Variants in KCNH8 observed in about 807,000 individuals in gnomAD.
The protein encoded by KCNH8 is voltage-gated delayed rectifier potassium channel KCNH8.
A neutral mutation model predicts 103.6 loss-of-function variants in KCNH8; 70 were observed. The observed-to-expected ratio is 0.68, with a 90% confidence interval of 0.56 to 0.82. The LOEUF (loss-of-function observed/expected upper bound fraction) is 0.82. KCNH8 is among the 40% of genes least tolerant of loss of function. The probability of loss-of-function intolerance (pLI) is 0.00; values close to 1 mark genes in which losing one functional copy is unlikely to be tolerated. For missense variants in KCNH8, 1,217 were observed against 1,329.9 expected (o/e 0.92, Z 1.32); for synonymous variants, 498 against 489.4 (o/e 1.02, Z -0.23).
At chr3:19,151,822 A>T (rs2063133200) in intron 1 of KCNH8, among the ~76,000 whole-genome samples, 1 of 151,908 alleles carries the variant, frequency 6.6e-6, no homozygotes, top group Admixed American at 6.6e-5. Flanking sequence ...TTTTTTTCTG[A>T]TATGCAATAT....
chr3:19,351,347 A>C (rs1322361514), intron 5 of KCNH8, among the ~76,000 whole-genome samples: 5 of 152,176 alleles, frequency 3.3e-5, no homozygotes, highest in African/African-American at 1.2e-4. Context: ...CCAACCTAGC[A>C]AGGCAGGCCA....
chr3:19,250,919 TAGAA>T (rs1189938823), intron 1 of KCNH8, among the ~76,000 whole-genome samples: 10 of 152,204 alleles, frequency 6.6e-5, no homozygotes, highest in Non-Finnish European at 1.3e-4. Context: ...TATCATATAA[TAGAA>T]AGTTAATAAA....
At chr3:19,382,405 T>C (rs1202836189) in intron 5 of KCNH8, among the ~76,000 whole-genome samples, 1 of 152,174 alleles carries the variant, frequency 6.6e-6, no homozygotes, top group African/African-American at 2.4e-5. Context: ...GACGTATTAC[T>C]TACTTTAAAG....
intron 7 of KCNH8, among the ~76,000 whole-genome samples, chr3:19,406,203 T>C (rs182946858): frequency 3.0e-3 from 459 of 152,210 alleles, no homozygotes; most frequent in African/African-American, 0.01. Context: ...TTATATTCTT[T>C]CAGGTTTTAT....
chr3:19,519,652 A>G (rs981697038), intron 15 of KCNH8, among the ~76,000 whole-genome samples: 3 of 151,688 alleles, frequency 2.0e-5, no homozygotes, highest in Admixed American at 6.6e-5. Flanking sequence ...CCTCTTGTTA[A>G]AACAAAAAAA....
At chr3:19,372,932 G>C (rs1273969754) in intron 5 of KCNH8, among the ~76,000 whole-genome samples, 2 of 151,680 alleles carry the variant, frequency 1.3e-5, no homozygotes, top group Non-Finnish European at 2.9e-5. Context: ...TGCGTATATT[G>C]AACCAGCCTT....
intron 1 of KCNH8, among the ~76,000 whole-genome samples, chr3:19,230,315 A>G (rs2063979741): frequency 6.6e-6 from 1 of 152,200 alleles, no homozygotes; most frequent in Non-Finnish European, 1.5e-5. Context: ...ATCTTATTCC[A>G]AGTTTGTATA....
At chr3:19,453,358 TAAA>T (rs1232683859) in intron 10 of KCNH8, among the ~76,000 whole-genome samples, 3 of 152,150 alleles carry the variant, frequency 2.0e-5, no homozygotes, top group Non-Finnish European at 4.4e-5. Context: ...ATGCAAATTT[TAAA>T]AAACCATTAT....
chr3:19,433,250 C>G (rs2067149448), intron 7 of KCNH8, among the ~76,000 whole-genome samples: 1 of 152,052 alleles, frequency 6.6e-6, no homozygotes, highest in South Asian at 2.1e-4. Flanking sequence ...ATATTGCTTG[C>G]CCTGGAAGGT....
intron 11 of KCNH8, among the ~76,000 whole-genome samples, chr3:19,498,682 T>C (rs916291583): frequency 6.6e-6 from 1 of 152,240 alleles, no homozygotes; most frequent in Non-Finnish European, 1.5e-5. Context: ...CCAGTTTTTC[T>C]GCTCTGTTTT....
intron 4 of KCNH8, 146 bp from the exon 5 acceptor site, chr3:19,347,579 T>G (rs1364930955): frequency 1.2e-6 from 1 of 854,620 alleles, no homozygotes; most frequent in African/African-American, 1.7e-5. Context: ...TTAGATGCTT[T>G]GCGTCACCAA....
At chr3:19,465,441 T>C (rs540255726) in intron 11 of KCNH8, among the ~76,000 whole-genome samples, 109 of 152,264 alleles carry the variant, frequency 7.2e-4, no homozygotes, top group Non-Finnish European at 1.3e-3. Flanking sequence ...TTACTGCTCA[T>C]TCATTGACAG....
At chr3:19,314,052 C>A (rs1316532762) in intron 3 of KCNH8, among the ~76,000 whole-genome samples, 1 of 151,832 alleles carries the variant, frequency 6.6e-6, no homozygotes, top group Middle Eastern at 3.2e-3. Context: ...AACCTAGAAT[C>A]AATTATGTGA....
chr3:19,243,722 C>A (rs571272606), intron 1 of KCNH8, among the ~76,000 whole-genome samples: 1 of 152,104 alleles, frequency 6.6e-6, no homozygotes, highest in African/African-American at 2.4e-5. Flanking sequence ...GGTAATAAAA[C>A]GACTAAAACA....
chr3:19,507,898 C>T (rs544452951), intron 11 of KCNH8, among the ~76,000 whole-genome samples: 2 of 152,258 alleles, frequency 1.3e-5, no homozygotes, highest in South Asian at 4.1e-4. Context: ...CTGCTACCTT[C>T]CCAAAAGATG....
At chr3:19,320,110 A>G (rs1220698044) in intron 3 of KCNH8, among the ~76,000 whole-genome samples, 1 of 152,060 alleles carries the variant, frequency 6.6e-6, no homozygotes, top group Non-Finnish European at 1.5e-5. Context: ...GTAAACAGCA[A>G]CAGCTTGACT....
At chr3:19,475,220 G>A (rs1489462238) in intron 11 of KCNH8, among the ~76,000 whole-genome samples, 1 of 152,126 alleles carries the variant, frequency 6.6e-6, no homozygotes, top group Non-Finnish European at 1.5e-5. Flanking sequence ...TAGTCTTAAG[G>A]GAGAGAAAAG....
intron 7 of KCNH8, among the ~76,000 whole-genome samples, chr3:19,408,674 CA>C (rs2066731151): frequency 6.6e-6 from 1 of 152,064 alleles, no homozygotes; most frequent in African/African-American, 2.4e-5. Flanking sequence ...GAAAATCAGT[CA>C]GAACTTCTGG....
At chr3:19,528,448 T>C (rs896304607) in intron 15 of KCNH8, among the ~76,000 whole-genome samples, 3 of 152,046 alleles carry the variant, frequency 2.0e-5, no homozygotes, top group African/African-American at 4.8e-5. Flanking sequence ...AGCAGAAACC[T>C]TGGCCAACGG....
Sources: allele counts gnomAD v4.1 joint callset (sites outside exome capture counted in the v4.1 genomes callset), GRCh38; gene constraint gnomAD v4.1.1; transcripts MANE v1.5; gene names NCBI Gene and HGNC (gene_info 2026-07-23, HGNC 2026-07-21).